Variants in BID observed in about 807,000 individuals in gnomAD.
The protein encoded by BID is BH3-interacting domain death agonist.
Under a neutral mutation model 17.4 loss-of-function variants are expected in BID, and 19 were observed. The ratio of observed to expected loss-of-function variants is 1.09; its 90% confidence interval spans 0.76 to 1.60. BID has a LOEUF of 1.60. BID is among the 40% of genes most tolerant of loss of function. The pLI is 0.00. For synonymous variants in BID, 108 were observed against 102.8 expected, an observed-to-expected ratio of 1.05 and a Z score of -0.31; for missense variants, 226 against 256.0, an observed-to-expected ratio of 0.88 and a Z score of 0.80.
chr22:17,760,133 C>CAAAAAAA (rs34899110), intron 1 of BID, among the ~76,000 whole-genome samples: 1 of 65,188 alleles, frequency 1.5e-5, no homozygotes, highest in African/African-American at 6.2e-5. Context: ...GACTCCATCT[C>CAAAAAAA]AAAAAAAAAA....
intron 1 of BID, among the ~76,000 whole-genome samples, chr22:17,761,116 T>C (rs568743134): frequency 6.6e-5 from 10 of 152,212 alleles, no homozygotes; most frequent in African/African-American, 2.4e-4. Context: ...ATTATGTCTA[T>C]GGTATTTTTC....
chr22:17,746,241 G>A (rs1218848588), intron 2 of BID, among the ~76,000 whole-genome samples: 1 of 152,036 alleles, frequency 6.6e-6, no homozygotes, highest in Non-Finnish European at 1.5e-5. Context: ...GGGGGCGGGG[G>A]AGCGCAGAAA....
chr22:17,766,558 G>C (rs2061680061), intron 1 of BID, among the ~76,000 whole-genome samples: 1 of 151,856 alleles, frequency 6.6e-6, no homozygotes, highest in African/African-American at 2.4e-5. Flanking sequence ...TGGGATTACA[G>C]GCGTGAGCCA....
At chr22:17,758,363 G>C (rs191170987) in intron 1 of BID, among the ~76,000 whole-genome samples, 1 of 152,308 alleles carries the variant, frequency 6.6e-6, no homozygotes, top group Non-Finnish European at 1.5e-5. Context: ...AACTTATCCA[G>C]TTATATTTTA....
chr22:17,772,969 G>A (rs1430726907), intron 1 of BID, among the ~76,000 whole-genome samples: 1 of 151,998 alleles, frequency 6.6e-6, no homozygotes, highest in Admixed American at 6.6e-5. Context: ...ACAGCACCTC[G>A]CCCCAGCCAC....
At chr22:17,740,103 G>T (rs1204126351) in intron 3 of BID, 5 of 1,165,960 alleles carry the variant, frequency 4.3e-6, no homozygotes, top group African/African-American at 6.7e-5. Context: ...CTCCATGAAG[G>T]CCACGCTCAA....
intron 1 of BID, among the ~76,000 whole-genome samples, chr22:17,753,655 G>A (rs1473794667): frequency 6.6e-6 from 1 of 152,254 alleles, no homozygotes; most frequent in Non-Finnish European, 1.5e-5. Context: ...GTCAATAGCG[G>A]CCCTACGCCC....
intron 3 of BID, 123 bp from the exon 4 acceptor site, chr22:17,739,611 G>A: frequency 2.3e-6 from 3 of 1,302,054 alleles, no homozygotes; most frequent in Non-Finnish European, 3.1e-6. Flanking sequence ...GCCCCCACTG[G>A]GCACGTGCTC....
intron 3 of BID, chr22:17,739,769 C>G (rs1036959546): frequency 6.9e-6 from 4 of 576,508 alleles, no homozygotes; most frequent in Admixed American, 6.0e-5. Flanking sequence ...GCTGGGGCAT[C>G]ACGACCACGC....
intron 1 of BID, among the ~76,000 whole-genome samples, chr22:17,753,018 G>T (rs551942198): frequency 7.5e-6 from 1 of 133,932 alleles, no homozygotes; most frequent in Non-Finnish European, 1.6e-5. Context: ...CCAGGCTGGA[G>T]TGCAGTGGCG....
In BID at chr22:17,734,488, T is replaced by TA. The variant is rs1419551632; in HGVS notation, c.*1091dup. On this transcript the variant is annotated 3_prime_UTR_variant, in exon 6 of 6. Coordinates refer to ENST00000622694, the MANE Select transcript of BID (RefSeq NM_001196.4). Reference sequence around the variant, plus strand: ...TTAAACTGATTCCTGGGACATAGCTTACCACTGGAACAGCAGACCAGTGTT... The same window carrying TA: ...TTAAACTGATTCCTGGGACATAGCTTAACCACTGGAACAGCAGACCAGTGTT... 4 of 152,238 alleles carry TA rather than the reference T, an allele frequency of 2.6e-5. No homozygotes were observed. The highest frequency in any genetic ancestry group is 5.9e-5 in the Non-Finnish European group (4 of 68,042). The allele number at this position is 152,238 out of a possible 1,614,324, so 9.4% of individuals were successfully genotyped here.
chr22:17,742,420 G>C (rs1263924884), intron 3 of BID, among the ~76,000 whole-genome samples: 1 of 152,186 alleles, frequency 6.6e-6, no homozygotes, highest in Admixed American at 6.5e-5. Flanking sequence ...TTCAGGGCGA[G>C]CCAGAAGATA....
At chr22:17,752,689 G>A (rs1041100077) in intron 1 of BID, among the ~76,000 whole-genome samples, 2 of 150,724 alleles carry the variant, frequency 1.3e-5, no homozygotes, top group African/African-American at 4.9e-5. Flanking sequence ...TTTTTGAGAC[G>A]GAGTCTCACT....
At position 17,735,211 on chromosome 22, in the gene BID, T is replaced by A. The variant is rs1339249641; in HGVS notation, c.*369A>T. 7.2e-5 allele frequency: 16 copies of A among 220,752 alleles called. No individual in the cohort carries two copies. Among genetic ancestry groups the A allele is most frequent in the Non-Finnish European group, 1.2e-4 (13 of 110,762 alleles). 13.7% of individuals were successfully genotyped at this position (220,752 alleles called of 1,614,324 possible). A position where few individuals can be genotyped will look rare whatever the true frequency, so the allele number is the denominator to read the frequency against. ...ACTTTAATAAACAGTAATTTTTTTT[T>A]ACCAAAAAAATTGTATTTTGTTTCT... On this transcript the variant is annotated 3_prime_UTR_variant, in exon 6 of 6. Transcript: ENST00000622694.
intron 1 of BID, among the ~76,000 whole-genome samples, chr22:17,767,740 G>GA (rs1368267038): frequency 3.3e-5 from 5 of 152,154 alleles, no homozygotes; most frequent in Non-Finnish European, 7.4e-5. Context: ...AGGGGCAGGG[G>GA]AAACAGAGAC....
At chr22:17,764,155 C>T (rs2061662145) in intron 1 of BID, 1 of 154,626 alleles carries the variant, frequency 6.5e-6, no homozygotes, top group Non-Finnish European at 1.5e-5. Context: ...GGCAAGTCAA[C>T]TCCTGGCTAC....
Position 17,773,551 on chromosome 22 carries a change from C to T in BID, c.-59+830G>A. 18 of 1,582,202 alleles carry T rather than the reference C, an allele frequency of 1.1e-5. No homozygotes were observed. The highest frequency in any genetic ancestry group is 1.7e-5 in the Admixed American group (1 of 59,794). On this transcript the variant is annotated intron_variant, in intron 1 of 5. Transcript: ENST00000622694. The surrounding 1 kb of genome is among the most constrained non-coding windows in gnomAD (Gnocchi z 4.4). ...TCCATCTGCTCCTCACCTGCCCCAA[C>T]CCTGCCTGCAGGTGAAGGCCGGTCC...
At chr22:17,753,618 C>T (rs1292307110) in intron 1 of BID, among the ~76,000 whole-genome samples, 3 of 152,234 alleles carry the variant, frequency 2.0e-5, no homozygotes, top group African/African-American at 2.4e-5. Context: ...TGGATGCAGA[C>T]GCCCTGGAAA....
Position 17,739,485 on chromosome 22 carries a change from G to C in BID, c.227C>G (p.Ser76Cys), listed in dbSNP as rs768772704. ...CCGGATGATGTCTTCTTGACTTTCAGAATCTGTGTTCAGGCAGGGGCGGCA... is the reference window on the plus strand; with the variant it reads ...CCGGATGATGTCTTCTTGACTTTCACAATCTGTGTTCAGGCAGGGGCGGCA... ...HSRLGRIEAD[S>C]ESQEDIIRNI... The change falls in exon 4 of 6, where the codon TCT (serine) becomes TGT (cysteine). Residue 76 changes from serine (S) to cysteine (C), a missense_variant. Physicochemically the swap from Ser to Cys is moderately radical, Grantham distance 112. Transcript: ENST00000622694. The C allele has an allele frequency of 1.9e-6, 3 of 1,611,368 alleles. No individual in the cohort carries two copies. The East Asian group carries it at 6.7e-5, about 36-fold the overall frequency.
Sources: allele counts gnomAD v4.1 joint callset (sites outside exome capture counted in the v4.1 genomes callset), GRCh38; gene constraint gnomAD v4.1.1; non-coding constraint Gnocchi (gnomAD v3.1); transcripts MANE v1.5; gene names NCBI Gene and HGNC (gene_info 2026-07-23, HGNC 2026-07-21).